Variants in PDK1 observed in about 807,000 individuals in gnomAD.
The protein encoded by PDK1 is pyruvate dehydrogenase kinase 1.
Under a neutral mutation model 54.2 loss-of-function variants are expected in PDK1, and 39 were observed. The ratio of observed to expected loss-of-function variants is 0.72; its 90% CI spans 0.56 to 0.94. PDK1 has a LOEUF of 0.94. Among genes scored for constraint, PDK1 ranks in the 40% least tolerant of loss-of-function variants. PDK1 has a pLI of 0.00. For missense variants in PDK1, 552 were observed against 566.0 expected, an observed-to-expected ratio of 0.98 and a Z score of 0.25; for synonymous variants, 221 against 207.1, an observed-to-expected ratio of 1.07 and a Z score of -0.58.
chr2:172,714,463 C>T, the PDK1 span, among the ~76,000 whole-genome samples: 1 of 151,744 alleles, frequency 6.6e-6, no homozygotes, highest in Non-Finnish European at 1.5e-5. Flanking sequence ...ATTATATTAC[C>T]ATACTTTTCT....
the PDK1 span, among the ~76,000 whole-genome samples, chr2:172,697,387 A>C: frequency 6.6e-6 from 1 of 152,210 alleles, no homozygotes; most frequent in Non-Finnish European, 1.5e-5. Context: ...CATTATTTTC[A>C]CATGTAAATA....
chr2:172,593,999 A>G (rs1010604307), intron 10 of PDK1, among the ~76,000 whole-genome samples: 1 of 150,708 alleles, frequency 6.6e-6, no homozygotes, highest in African/African-American at 2.4e-5. Context: ...AACCATGTCA[A>G]TTGCGAGGGA....
Position 172,588,557 on chromosome 2 carries a change from A to G in PDK1, c.1056+2169A>G, listed in dbSNP as rs1278246812. On this transcript the variant is annotated intron_variant, in intron 9 of 10. Coordinates refer to ENST00000282077, the MANE Select transcript of PDK1 (RefSeq NM_002610.5). Reference sequence around the variant, plus strand: ...AAAATGTATGTGAATTTTTAAGAAAATAGGAGGCTTGACCTGGAACAGGCT... The same window carrying G: ...AAAATGTATGTGAATTTTTAAGAAAGTAGGAGGCTTGACCTGGAACAGGCT... 3.3e-5 allele frequency among the ~76,000 whole-genome samples: 5 copies of G among 152,374 alleles called. No individual in the cohort carries two copies. The East Asian group carries it at 7.7e-4, about 23-fold the overall frequency.
intron 8 of PDK1, among the ~76,000 whole-genome samples, chr2:172,578,785 G>A (rs1049008614): frequency 6.8e-6 from 1 of 146,596 alleles, no homozygotes; most frequent in African/African-American, 2.5e-5. Context: ...ATTCTTTGTT[G>A]TGTGTGGCTT....
the PDK1 span, among the ~76,000 whole-genome samples, chr2:172,642,822 T>C: frequency 1.3e-5 from 2 of 151,558 alleles, no homozygotes; most frequent in Non-Finnish European, 2.9e-5. Context: ...CTTCTTCTCT[T>C]TCTCCTCCTC....
chr2:172,659,502 C>T, the PDK1 span, among the ~76,000 whole-genome samples: 1 of 152,142 alleles, frequency 6.6e-6, no homozygotes, highest in East Asian at 1.9e-4. Flanking sequence ...TGCTTTTCTT[C>T]TGTTGATCTG....
chr2:172,587,201 G>A (rs574613462), intron 9 of PDK1, among the ~76,000 whole-genome samples: 11 of 152,288 alleles, frequency 7.2e-5, no homozygotes, highest in East Asian at 1.9e-4. Flanking sequence ...GCGGACCCTC[G>A]CAGTGTTACA....
chr2:172,582,986 A>C (rs1689993832), intron 8 of PDK1, among the ~76,000 whole-genome samples: 1 of 152,200 alleles, frequency 6.6e-6, no homozygotes, highest in Admixed American at 6.5e-5. Flanking sequence ...TTGTTGTTAC[A>C]GTCTCCGTGG....
intron 9 of PDK1, among the ~76,000 whole-genome samples, chr2:172,588,644 C>G (rs2149283206): frequency 1.3e-5 from 2 of 152,302 alleles, no homozygotes; most frequent in East Asian, 3.9e-4. Context: ...TGCAGAGCCT[C>G]CTTTCTGCTG....
the PDK1 span, among the ~76,000 whole-genome samples, chr2:172,664,990 A>ATG: frequency 8.5e-5 from 13 of 152,084 alleles, no homozygotes; most frequent in South Asian, 2.1e-4. Context: ...GCATCATCTT[A>ATG]TGTTGGTATT....
chr2:172,684,018 A>G, the PDK1 span, among the ~76,000 whole-genome samples: 2 of 152,294 alleles, frequency 1.3e-5, no homozygotes, highest in East Asian at 3.9e-4. Flanking sequence ...TATAGCTGAG[A>G]ATACCCTGGC....
chr2:172,614,172 A>G, the PDK1 span, among the ~76,000 whole-genome samples: 3 of 133,422 alleles, frequency 2.2e-5, no homozygotes, highest in East Asian at 4.3e-4. Flanking sequence ...CCCAGGAAGG[A>G]CCCCCCCCCC....
intron 9 of PDK1, among the ~76,000 whole-genome samples, chr2:172,588,099 T>C (rs1430863314): frequency 6.6e-6 from 1 of 152,252 alleles, no homozygotes; most frequent in African/African-American, 2.4e-5. Flanking sequence ...GTTGAAATGC[T>C]TGCTCTAGTA....
the PDK1 span, among the ~76,000 whole-genome samples, chr2:172,640,843 A>G: frequency 6.5e-3 from 995 of 152,308 alleles, 10 homozygotes; most frequent in African/African-American, 0.022. Flanking sequence ...TTTATTTCAC[A>G]TGGATACACA....
the PDK1 span, among the ~76,000 whole-genome samples, chr2:172,709,945 GAA>G: frequency 6.6e-6 from 1 of 151,948 alleles, no homozygotes; most frequent in Non-Finnish European, 1.5e-5. Context: ...CAACAAAGAC[GAA>G]ATTGCAGTAA....
rs1488247518 is a variant in PDK1, at chr2:172,599,772, A to G, written c.*3803A>G. On this transcript the variant is annotated 3_prime_UTR_variant, in exon 11 of 11. Coordinates refer to ENST00000282077, the MANE Select transcript of PDK1 (RefSeq NM_002610.5). ...CTTTCTAGAGTCTCCACAGTTCTTT[A>G]GCAATTGCTAACCATAGGTTTTTAA... is the stretch of plus-strand genomic sequence containing the variant. 6.6e-6 allele frequency: 1 copy of G among 152,202 alleles called. No homozygotes were observed. The highest frequency in any genetic ancestry group is 1.5e-5 in the Non-Finnish European group (1 of 68,026). The allele number at this position is 152,202 out of a possible 1,614,324, so 9.4% of individuals were successfully genotyped here.
the PDK1 span, among the ~76,000 whole-genome samples, chr2:172,677,994 C>A: frequency 1.3e-5 from 2 of 152,080 alleles, no homozygotes. Flanking sequence ...CATGGTGAAA[C>A]CCTGTCTGTA....
At chr2:172,680,952 T>G in the PDK1 span, among the ~76,000 whole-genome samples, 1 of 152,230 alleles carries the variant, frequency 6.6e-6, no homozygotes, top group Non-Finnish European at 1.5e-5. Flanking sequence ...GGCTCATTCC[T>G]TAGCCTATGA....
the PDK1 span, among the ~76,000 whole-genome samples, chr2:172,712,697 G>A: frequency 1.4e-4 from 21 of 152,328 alleles, no homozygotes; most frequent in South Asian, 3.9e-3. Flanking sequence ...TGTCACAGCC[G>A]TGGCTTGGGG....
Sources: gnomAD v4.1 joint callset for allele counts (sites outside exome capture counted in the v4.1 genomes callset) on GRCh38, gnomAD v4.1.1 for gene constraint, MANE v1.5 for transcripts, NCBI Gene and HGNC (gene_info 2026-07-23, HGNC 2026-07-21) for gene names.